The following ALDH7A1 variants were observed in gnomAD, a reference collection of about 807,000 sequenced individuals.
ALDH7A1 encodes aldehyde dehydrogenase 7 family member A1.
ALDH7A1 carries 63 observed loss-of-function variants against 79.9 expected under a neutral mutation model. That is an observed-to-expected ratio of 0.79 (90% CI 0.64 to 0.97). ALDH7A1 has a LOEUF of 0.97. Among genes scored for constraint, ALDH7A1 ranks in the 50% least tolerant of loss-of-function variants. The pLI is 0.00. For missense variants in ALDH7A1, 627 were observed against 665.2 expected (o/e 0.94, Z 0.63); for synonymous variants, 240 against 231.2 (o/e 1.04, Z -0.34).
intron 8 of ALDH7A1, 68 bp from the exon 9 acceptor site, chr5:126,568,424 C>G (rs552404506): frequency 1.9e-5 from 25 of 1,302,988 alleles, no homozygotes; most frequent in Non-Finnish European, 2.7e-5. Flanking sequence ...TCTAATGGTA[C>G]CCAGCACTGA....
At chr5:126,578,465 C>A (rs751714079) in intron 5 of ALDH7A1, among the ~76,000 whole-genome samples, 1 of 151,092 alleles carries the variant, frequency 6.6e-6, no homozygotes, top group Non-Finnish European at 1.5e-5. Flanking sequence ...ATGGCAAGAC[C>A]CCTGACTCTA....
Position 126,547,749 on chromosome 5 carries a change from T to G in ALDH7A1, c.1490-1350A>C, listed in dbSNP as rs148083514. Reference sequence around the variant, plus strand: ...CAATTCAAAGGTAAATTTGCTTTTTTCTTTTAGTAAAAAGAATCTCGGCCA... The same window carrying G: ...CAATTCAAAGGTAAATTTGCTTTTTGCTTTTAGTAAAAAGAATCTCGGCCA... On this transcript the variant is annotated intron_variant, in intron 16 of 17. Coordinates refer to ENST00000409134, the MANE Select transcript of ALDH7A1 (RefSeq NM_001182.5). Among the ~76,000 whole-genome samples the G allele has an allele frequency of 7.3e-3, 1,105 of 152,298 alleles. 8 individuals are homozygous for G. Among genetic ancestry groups the G allele is most frequent in the South Asian group, 0.032 (154 of 4,828 alleles).
chr5:126,584,340 G>C (rs1319135890), intron 3 of ALDH7A1: 1 of 340,570 alleles, frequency 2.9e-6, no homozygotes, highest in Non-Finnish European at 5.5e-6. Context: ...AAGATTGGAG[G>C]GGAAATGGGT....
chr5:126,588,052 G>A (rs1751414977), intron 3 of ALDH7A1: 1 of 152,218 alleles, frequency 6.6e-6, no homozygotes, highest in South Asian at 2.1e-4. Flanking sequence ...TAGGTGCAGA[G>A]GCTGGCATGG....
chr5:126,583,967 C>G lies in ALDH7A1; in HGVS notation c.358G>C (p.Ala120Pro), dbSNP rs759418993. Residue 120 changes from alanine (A) to proline (P), a missense_variant, in exon 4 of 18, where the codon GCC becomes CCC. Transcript: ENST00000409134. ...RGEIVRQIGD[A>P]LREKIQVLGS... ...AGTACTTGGATCTTCTCCCGCAAGG[C>G]ATCGCCAATCTGTCTTACTATTTCT... The G allele has an allele frequency of 6.2e-7, 1 of 1,614,224 alleles. No individual in the cohort carries two copies. Among genetic ancestry groups the G allele is most frequent in the South Asian group, 1.1e-5 (1 of 91,086 alleles).
chr5:126,580,763 A>G (rs921436139), intron 5 of ALDH7A1, among the ~76,000 whole-genome samples: 8 of 152,052 alleles, frequency 5.3e-5, no homozygotes, highest in African/African-American at 1.9e-4. Context: ...ATGCAGACAT[A>G]CAGTCACCTG....
intron 7 of ALDH7A1, among the ~76,000 whole-genome samples, chr5:126,574,401 AAAT>A (rs752635261): frequency 6.6e-6 from 1 of 151,558 alleles, no homozygotes; most frequent in Non-Finnish European, 1.5e-5. Context: ...TCCATCTCAA[AAAT>A]AATAATAATA....
intron 6 of ALDH7A1, among the ~76,000 whole-genome samples, chr5:126,576,078 A>G (rs1209759016): frequency 6.6e-6 from 1 of 151,980 alleles, no homozygotes; most frequent in Non-Finnish European, 1.5e-5. Flanking sequence ...TGGCTAACAC[A>G]GTGAAACCCC....
intron 11 of ALDH7A1, among the ~76,000 whole-genome samples, chr5:126,556,368 G>A (rs147167677): frequency 2.0e-5 from 3 of 148,112 alleles, no homozygotes; most frequent in Admixed American, 6.9e-5. Flanking sequence ...TCAGCCTCCC[G>A]AGCAGCTGGA....
chr5:126,571,636 T>TTTTA (rs1221588204), intron 7 of ALDH7A1, among the ~76,000 whole-genome samples: 11 of 152,120 alleles, frequency 7.2e-5, no homozygotes, highest in East Asian at 5.8e-4. Flanking sequence ...TCACTGGGCC[T>TTTTA]TTTATTTATT....
chr5:126,544,867 A>G lies in ALDH7A1; in HGVS notation c.*98T>C, dbSNP rs1749732823. 9 of 954,932 alleles carry G rather than the reference A, an allele frequency of 9.4e-6. No individual in the cohort carries two copies. The East Asian group carries it at 2.0e-4, about 21-fold the overall frequency. 59.2% of individuals were successfully genotyped at this position (954,932 alleles called of 1,614,324 possible). A position where few individuals can be genotyped will look rare whatever the true frequency, so the allele number is the denominator to read the frequency against. On this transcript the variant is annotated 3_prime_UTR_variant, in exon 18 of 18. Transcript: ENST00000409134. Reference sequence around the variant, plus strand: ...GGGATTAGTCACTGTCACAGTCATAATAATGCATTTATTCAGGGAAAACTT... The same window carrying G: ...GGGATTAGTCACTGTCACAGTCATAGTAATGCATTTATTCAGGGAAAACTT...
At position 126,566,157 on chromosome 5, in the gene ALDH7A1, A is replaced by AG. The variant is rs35492150; in HGVS notation, c.871+2101_871+2102insC. Among the ~76,000 whole-genome samples, 519 of 152,364 alleles carry AG rather than the reference A, an allele frequency of 3.4e-3. 7 individuals are homozygous for AG. The highest frequency in any genetic ancestry group is 0.012 in the African/African-American group (497 of 41,588). ...TTTACAGGAATTGCATTGAATCTGT[A>AG]ATCATGTGGACCATATTGAAACCTT... On this transcript the variant is annotated intron_variant, in intron 9 of 17. Coordinates refer to ENST00000409134, the MANE Select transcript of ALDH7A1 (RefSeq NM_001182.5).
At chr5:126,547,676 C>T (rs1378415166) in intron 16 of ALDH7A1, among the ~76,000 whole-genome samples, 1 of 152,196 alleles carries the variant, frequency 6.6e-6, no homozygotes, top group Non-Finnish European at 1.5e-5. Flanking sequence ...ATGTCTAAAG[C>T]TTTCAAGGAG....
chr5:126,550,993 T>G (rs1414783611), intron 14 of ALDH7A1, among the ~76,000 whole-genome samples: 1 of 152,090 alleles, frequency 6.6e-6, no homozygotes, highest in Non-Finnish European at 1.5e-5. Context: ...CCTGTGTGGG[T>G]TTTTTGGGTT....
chr5:126,568,003 T>G (rs1424081835), intron 9 of ALDH7A1: 21 of 398,626 alleles, frequency 5.3e-5, no homozygotes, highest in African/African-American at 3.9e-4. Context: ...CAGGATGGTC[T>G]GGATCTCCTG....
In ALDH7A1 at chr5:126,582,838, T is replaced by C. The variant is rs1296558626; in HGVS notation, c.517+13A>G. ...AGAGTACAAAACTCAGCTTAACTAA[T>C]TTCATTGCTTACTTTCAGAAGGCAA... On this transcript the variant is annotated intron_variant, in intron 5 of 17. Coordinates refer to ENST00000409134, the MANE Select transcript of ALDH7A1 (RefSeq NM_001182.5). 2 of 1,612,064 alleles carry C rather than the reference T, an allele frequency of 1.2e-6. No homozygotes were observed. Among genetic ancestry groups the C allele is most frequent in the Admixed American group, 1.7e-5 (1 of 60,012 alleles).
intron 13 of ALDH7A1, among the ~76,000 whole-genome samples, chr5:126,553,611 C>G (rs1750076157): frequency 6.6e-6 from 1 of 152,092 alleles, no homozygotes; most frequent in Non-Finnish European, 1.5e-5. Flanking sequence ...ACTCGGGAGG[C>G]TGAGACAGGA....
chr5:126,554,504 T>C (rs994448170), intron 12 of ALDH7A1, 111 bp from the exon 13 acceptor site: 23 of 833,242 alleles, frequency 2.8e-5, no homozygotes, highest in African/African-American at 5.0e-5. Context: ...ATGCTCTCAA[T>C]TGAGAACATA....
chr5:126,571,150 A>ATTTTTT lies in ALDH7A1; in HGVS notation c.696-297_696-292dup, dbSNP rs386404930. ...GCCGTTTTCAAAAAACTATTAGCAGATTTTTTTTTTTTTTTTTTTTTTTTT... is the reference window on the plus strand; with the variant it reads ...GCCGTTTTCAAAAAACTATTAGCAGATTTTTTTTTTTTTTTTTTTTTTTTTTTTTTT... On this transcript the variant is annotated intron_variant, in intron 7 of 17. Coordinates refer to ENST00000409134, the MANE Select transcript of ALDH7A1 (RefSeq NM_001182.5). 368 of 221,812 alleles carry ATTTTTT rather than the reference A, an allele frequency of 1.7e-3. 1 individual carries two copies. Among genetic ancestry groups the ATTTTTT allele is most frequent in the Middle Eastern group, 5.7e-3 (3 of 530 alleles). 13.7% of individuals were successfully genotyped at this position (221,812 alleles called of 1,614,324 possible). A position where few individuals can be genotyped will look rare whatever the true frequency, so the allele number is the denominator to read the frequency against.
Sources: allele counts gnomAD v4.1 joint callset (sites outside exome capture counted in the v4.1 genomes callset), GRCh38; gene constraint gnomAD v4.1.1; transcripts MANE v1.5; gene names NCBI Gene and HGNC (gene_info 2026-07-23, HGNC 2026-07-21).